The following PCDHA12 variants were observed in gnomAD, a reference collection of about 807,000 sequenced individuals.
PCDHA12 encodes the protein protocadherin alpha-12.
PCDHA12 carries 44 observed loss-of-function variants against 60.0 expected under a neutral mutation model. The observed-to-expected ratio is 0.73, with a 90% CI of 0.58 to 0.94. The LOEUF (loss-of-function observed/expected upper bound fraction) is 0.94. Ranked by LOEUF, PCDHA12 falls within the 40% of genes least tolerant of loss-of-function variation. PCDHA12 has a pLI of 0.00. For missense variants in PCDHA12, 1,276 were observed against 1,239.7 expected, an observed-to-expected ratio of 1.03 and a Z score of -0.44; for synonymous variants, 569 against 553.0, an observed-to-expected ratio of 1.03 and a Z score of -0.40.
intron 1 of PCDHA12, among the ~76,000 whole-genome samples, chr5:140,914,158 C>T (rs1041086072): frequency 1.2e-4 from 18 of 152,276 alleles, no homozygotes; most frequent in East Asian, 9.6e-4. Flanking sequence ...CTGTCCAATA[C>T]GGAAAGTGGG....
chr5:140,993,754 A>G (rs1253767297), intron 3 of PCDHA12, among the ~76,000 whole-genome samples: 1 of 152,170 alleles, frequency 6.6e-6, no homozygotes, highest in African/African-American at 2.4e-5. Context: ...ACTTGCCATT[A>G]TATTACAATT....
At chr5:140,883,573 G>C in intron 1 of PCDHA12, 7 of 1,614,076 alleles carry the variant, frequency 4.3e-6, no homozygotes, top group Non-Finnish European at 5.9e-6. Flanking sequence ...CGCCTTCGCT[G>C]TGGGCCACGG....
intron 1 of PCDHA12, chr5:140,881,915 C>G (rs1431128063): frequency 1.7e-5 from 4 of 240,684 alleles, no homozygotes; most frequent in African/African-American, 8.9e-5. Flanking sequence ...AAATGTTGAG[C>G]AGAATGCAGT....
chr5:140,978,898 G>A (rs2096827765), intron 1 of PCDHA12, 51 bp from the exon 2 acceptor site: 1 of 1,612,868 alleles, frequency 6.2e-7, no homozygotes. Flanking sequence ...GCATTCCTGG[G>A]AGAACATTGT....
rs1554169201 is a variant in PCDHA12, at chr5:140,876,996, G to T, written c.1524G>T (p.Val508=). The T allele has an allele frequency of 1.2e-6, 2 of 1,612,618 alleles. No homozygotes were observed. Among genetic ancestry groups the T allele is most frequent in the East Asian group, 2.2e-5 (1 of 44,872 alleles). ...RVGEHALSSY[V]SVHAESGKVY... is the part of the protein sequence containing the mutation. ...GCGAGCACGCACTGTCGAGCTACGT[G>T]TCGGTGCACGCGGAGAGCGGCAAGG... The change falls in exon 1 of 4, where the codon GTG becomes GTT. Residue 508 remains valine (V), a synonymous_variant. Transcript: ENST00000398631.
intron 1 of PCDHA12, chr5:140,969,383 C>T: frequency 6.3e-6 from 10 of 1,597,986 alleles, no homozygotes; most frequent in African/African-American, 1.3e-5. Context: ...TGTTACACAT[C>T]CCCCAATATC....
At chr5:140,988,860 T>C (rs1270376752) in intron 3 of PCDHA12, 2 of 152,204 alleles carry the variant, frequency 1.3e-5, no homozygotes, top group South Asian at 2.1e-4. Flanking sequence ...TCCAGTCTCA[T>C]GTGCACTCAG....
At chr5:140,938,214 G>C (rs2091981626) in intron 1 of PCDHA12, among the ~76,000 whole-genome samples, 1 of 152,148 alleles carries the variant, frequency 6.6e-6, no homozygotes, top group Non-Finnish European at 1.5e-5. Context: ...CCAAAGTGCT[G>C]GGATTACAGG....
intron 3 of PCDHA12, among the ~76,000 whole-genome samples, chr5:141,005,772 G>A (rs1554260355): frequency 6.9e-6 from 1 of 144,526 alleles, no homozygotes; most frequent in South Asian, 2.2e-4. Flanking sequence ...CAAACCAGAT[G>A]TGTAAAGATC....
intron 1 of PCDHA12, chr5:140,929,632 C>T: frequency 2.6e-6 from 1 of 387,580 alleles, no homozygotes; most frequent in Admixed American, 4.5e-5. Flanking sequence ...TTATAAGCAA[C>T]AGATGTGTAA....
intron 1 of PCDHA12, among the ~76,000 whole-genome samples, chr5:140,941,216 T>TTTCTTTCTTTCTTTCTTTC (rs2092891567): frequency 8.0e-6 from 1 of 124,950 alleles, no homozygotes; most frequent in East Asian, 2.2e-4. Context: ...TCTTTCTTCC[T>TTTCTTTCTTTCTTTCTTTC]TTCTTTCTTT....
chr5:140,887,317 C>T lies in PCDHA12; in HGVS notation c.2367+9478C>T, dbSNP rs10066665. ...TTCATCTTGTTAGCCAGGATAGTCT[C>T]GAACTCCTGACCTCGTGATCCACCT... On this transcript the variant is annotated intron_variant, in intron 1 of 3. Transcript: ENST00000398631. Among the ~76,000 whole-genome samples the T allele has an allele frequency of 7.3e-3, 1,116 of 152,162 alleles. 15 individuals carry two copies. The highest frequency in any genetic ancestry group is 0.025 in the African/African-American group (1,043 of 41,520).
At chr5:140,941,194 T>TTTCTTC (rs2092780236) in intron 1 of PCDHA12, among the ~76,000 whole-genome samples, 5 of 112,438 alleles carry the variant, frequency 4.4e-5, no homozygotes, top group African/African-American at 1.8e-4. Flanking sequence ...TCTTTTTTTT[T>TTTCTTC]CTTTCTTCCT....
At chr5:140,967,085 C>T in intron 1 of PCDHA12, 1 of 1,613,198 alleles carries the variant, frequency 6.2e-7, no homozygotes, top group Non-Finnish European at 8.5e-7. Context: ...GCGCATTGAT[C>T]GGGAGGCGCT....
chr5:140,958,810 G>C (rs2095443726), intron 1 of PCDHA12, among the ~76,000 whole-genome samples: 1 of 151,988 alleles, frequency 6.6e-6, no homozygotes, highest in African/African-American at 2.4e-5. Flanking sequence ...ACACCATTCT[G>C]TTTTAATTTT....
intron 1 of PCDHA12, among the ~76,000 whole-genome samples, chr5:140,922,818 C>T (rs530870255): frequency 6.6e-6 from 1 of 152,208 alleles, no homozygotes; most frequent in Admixed American, 6.5e-5. Flanking sequence ...GGAGATACAG[C>T]ATACTGCTAA....
chr5:140,887,523 A>G (rs2061479096), intron 1 of PCDHA12, among the ~76,000 whole-genome samples: 1 of 152,078 alleles, frequency 6.6e-6, no homozygotes, highest in Non-Finnish European at 1.5e-5. Flanking sequence ...TTTATATATG[A>G]GTCTTCCTCT....
chr5:140,884,504 G>A (rs782001863), intron 1 of PCDHA12: 5 of 1,614,180 alleles, frequency 3.1e-6, no homozygotes, highest in Admixed American at 3.3e-5. Flanking sequence ...CAGCGCGGCA[G>A]GGAGTTGGTC....
chr5:140,925,447 T>G (rs2153577798), intron 1 of PCDHA12, among the ~76,000 whole-genome samples: 1 of 152,154 alleles, frequency 6.6e-6, no homozygotes, highest in Non-Finnish European at 1.5e-5. Context: ...AGAATTTGGG[T>G]GTATCTGTTG....
Sources: allele counts gnomAD v4.1 joint callset (sites outside exome capture counted in the v4.1 genomes callset), GRCh38; gene constraint gnomAD v4.1.1; transcripts MANE v1.5; gene names NCBI Gene and HGNC (gene_info 2026-07-23, HGNC 2026-07-21).